Variants in PDE3A observed in about 807,000 individuals in gnomAD.
The protein encoded by PDE3A is phosphodiesterase 3A.
In PDE3A, 43 loss-of-function variants were observed where a neutral mutation model predicts 98.3. That is an observed-to-expected ratio of 0.44 (90% CI 0.34 to 0.56). The LOEUF is 0.56. PDE3A is among the 20% of genes least tolerant of loss of function. The probability of loss-of-function intolerance (pLI) is 0.01; values close to 1 mark genes in which losing one functional copy is unlikely to be tolerated. For missense variants in PDE3A, 1,427 were observed against 1,440.7 expected, an observed-to-expected ratio of 0.99 and a Z score of 0.15; for synonymous variants, 663 against 567.9, an observed-to-expected ratio of 1.17 and a Z score of -2.38.
At chr12:20,600,292 T>C (rs1252600946) in intron 2 of PDE3A, among the ~76,000 whole-genome samples, 2 of 152,212 alleles carry the variant, frequency 1.3e-5, no homozygotes, top group Non-Finnish European at 2.9e-5. Flanking sequence ...ATTCCTTCTC[T>C]TTTGATTCCT....
rs192902862 is a variant in PDE3A, at chr12:20,635,637, C to G, written c.2001+581C>G. On this transcript the variant is annotated intron_variant, in intron 8 of 15. Coordinates refer to ENST00000359062, the MANE Select transcript of PDE3A (RefSeq NM_000921.5). ...GCATGGTGGCAGGTGCCTGTAATCC[C>G]AGCTACCTGGGAGGCTGAGGGAGGA... Among the ~76,000 whole-genome samples, 1,031 of 150,902 alleles carry G rather than the reference C, an allele frequency of 6.8e-3. 4 individuals are homozygous for G. Among genetic ancestry groups the G allele is most frequent in the Non-Finnish European group, 0.011 (750 of 67,738 alleles).
chr12:20,581,133 A>G (rs1371789895), intron 2 of PDE3A, among the ~76,000 whole-genome samples: 1 of 152,226 alleles, frequency 6.6e-6, no homozygotes, highest in Non-Finnish European at 1.5e-5. Context: ...TTTTAAAATT[A>G]TGAAAAGCAC....
Position 20,399,143 on chromosome 12 carries a change from G to A in PDE3A, c.960+28899G>A, listed in dbSNP as rs893132255. Among the ~76,000 whole-genome samples, 9 of 152,272 alleles carry A rather than the reference G, an allele frequency of 5.9e-5. No individual in the cohort carries two copies. In the East Asian group the frequency reaches 1.7e-3, roughly 29 times the overall value. On this transcript the variant is annotated intron_variant, in intron 1 of 15. Transcript: ENST00000359062. ...AGAGTTCATCCATGTCGTAGCACAT[G>A]TCAGAATTTCCTTCCTTTTTAAGGC...
At chr12:20,482,718 C>A (rs1945653827) in intron 1 of PDE3A, among the ~76,000 whole-genome samples, 1 of 152,160 alleles carries the variant, frequency 6.6e-6, no homozygotes, top group Admixed American at 6.5e-5. Flanking sequence ...AATAAATATC[C>A]ATTTAATCAA....
At chr12:20,633,846 A>C in intron 7 of PDE3A, 68 bp downstream of exon 7, 2 of 891,116 alleles carry the variant, frequency 2.2e-6, no homozygotes, top group Non-Finnish European at 3.6e-6. Flanking sequence ...CCTGATCAAA[A>C]CAGTGATCTA....
In PDE3A at chr12:20,646,619, A is replaced by G; in HGVS notation, c.2365+16A>G. The G allele has an allele frequency of 6.9e-7, 1 of 1,456,690 alleles. No homozygotes were observed. The highest frequency in any genetic ancestry group is 2.3e-5 in the East Asian group (1 of 44,062). 90.2% of individuals were successfully genotyped at this position (1,456,690 alleles called of 1,614,324 possible). The stretch of plus-strand genomic sequence containing the variant: ...AGTGATTCAGGTATGTACGAAGTGA[A>G]TCTGCACTGCCTTATGAAAGATGGG... On this transcript the variant is annotated intron_variant, in intron 11 of 15. Transcript: ENST00000359062.
intron 9 of PDE3A, among the ~76,000 whole-genome samples, chr12:20,638,738 T>C (rs1016160846): frequency 1.6e-4 from 25 of 152,142 alleles, no homozygotes; most frequent in African/African-American, 5.5e-4. Flanking sequence ...CTCTTGATTT[T>C]ATTTTTTTGC....
At chr12:20,674,786 A>G (rs899470510) in intron 15 of PDE3A, among the ~76,000 whole-genome samples, 2 of 152,008 alleles carry the variant, frequency 1.3e-5, no homozygotes, top group Non-Finnish European at 2.9e-5. Flanking sequence ...GCTATCAGTT[A>G]TAATGTCTCC....
At chr12:20,545,186 T>C (rs1216904862) in intron 1 of PDE3A, among the ~76,000 whole-genome samples, 5 of 152,060 alleles carry the variant, frequency 3.3e-5, no homozygotes, top group Non-Finnish European at 7.4e-5. Context: ...ATGGAAGCTT[T>C]GTAAGATTAG....
chr12:20,673,886 A>G (rs1334083177), intron 15 of PDE3A, among the ~76,000 whole-genome samples: 4 of 152,070 alleles, frequency 2.6e-5, no homozygotes, highest in Non-Finnish European at 5.9e-5. Flanking sequence ...AAAAATAAAG[A>G]TTGCACTGAA....
intron 1 of PDE3A, among the ~76,000 whole-genome samples, chr12:20,403,199 A>G (rs1005826150): frequency 1.3e-5 from 2 of 152,216 alleles, no homozygotes; most frequent in Admixed American, 6.5e-5. Flanking sequence ...CAACAGTTCT[A>G]TAACATCTTC....
intron 1 of PDE3A, among the ~76,000 whole-genome samples, chr12:20,414,696 G>A (rs1001655148): frequency 1.3e-5 from 2 of 152,144 alleles, no homozygotes; most frequent in African/African-American, 4.8e-5. Context: ...AATCAAACGG[G>A]TTTCTGAGAT....
At chr12:20,412,467 T>G (rs534052794) in intron 1 of PDE3A, among the ~76,000 whole-genome samples, 64 of 152,288 alleles carry the variant, frequency 4.2e-4, no homozygotes, top group Admixed American at 1.6e-3. Flanking sequence ...ATCTATATTT[T>G]GTCTAGCATT....
rs376446294 is a variant in PDE3A at position 20,680,199 on chromosome 12, T to A, written c.3354T>A (p.Ala1118=). 36 of 1,613,788 alleles carry A rather than the reference T, an allele frequency of 2.2e-5. No homozygotes were observed. In the African/African-American group the frequency reaches 4.7e-4, roughly 21 times the overall value. The stretch of plus-strand genomic sequence containing the variant: ...CGCACTCTTCAGAACAGATCCAGGC[T>A]ATCAAGGAAGAAGAAGAAGAGAAAG... ...PQSHSSEQIQ[A]IKEEEEEKGK... Residue 1118 remains alanine, a synonymous_variant, in exon 16 of 16, where the codon GCT becomes GCA. Coordinates refer to ENST00000359062, the MANE Select transcript of PDE3A (RefSeq NM_000921.5).
At chr12:20,558,862 T>C (rs965007028) in intron 2 of PDE3A, among the ~76,000 whole-genome samples, 2 of 152,172 alleles carry the variant, frequency 1.3e-5, no homozygotes, top group Non-Finnish European at 1.5e-5. Flanking sequence ...AATAGTTTAC[T>C]CCAAAGCCTT....
At chr12:20,393,671 A>T (rs1943959803) in intron 1 of PDE3A, among the ~76,000 whole-genome samples, 1 of 152,102 alleles carries the variant, frequency 6.6e-6, no homozygotes, top group Non-Finnish European at 1.5e-5. Context: ...ACAGAAAAAA[A>T]GCTGGAAAAG....
chr12:20,634,796 T>G, intron 7 of PDE3A, 106 bp from the exon 8 acceptor site: 1 of 758,150 alleles, frequency 1.3e-6, no homozygotes, highest in South Asian at 1.5e-5. Context: ...AAAGCAGTAT[T>G]TCCCTAAACA....
chr12:20,491,752 T>C (rs1945829907), intron 1 of PDE3A, among the ~76,000 whole-genome samples: 1 of 152,184 alleles, frequency 6.6e-6, no homozygotes, highest in Admixed American at 6.5e-5. Flanking sequence ...GTTAAGATTG[T>C]CAAGTAATAT....
intron 1 of PDE3A, among the ~76,000 whole-genome samples, chr12:20,429,333 T>A (rs1944656005): frequency 6.6e-6 from 1 of 152,238 alleles, no homozygotes; most frequent in African/African-American, 2.4e-5. Flanking sequence ...CTTTTTTTCT[T>A]CAGTTATTCT....
Sources: allele counts gnomAD v4.1 joint callset (sites outside exome capture counted in the v4.1 genomes callset), GRCh38; gene constraint gnomAD v4.1.1; transcripts MANE v1.5; gene names NCBI Gene and HGNC (gene_info 2026-07-23, HGNC 2026-07-21).